Variants in COG7 observed in about 807,000 individuals in gnomAD.
COG7 encodes the protein component of oligomeric golgi complex 7.
In COG7, 49 loss-of-function variants were observed where a neutral mutation model predicts 91.5. That is an observed-to-expected ratio of 0.54 (90% CI 0.43 to 0.68). The LOEUF (loss-of-function observed/expected upper bound fraction) is 0.68. Ranked by LOEUF, COG7 falls within the 30% of genes least tolerant of loss-of-function variation. The probability of loss-of-function intolerance (pLI) is 0.00; values close to 1 mark genes in which losing one functional copy is unlikely to be tolerated. For missense variants in COG7, 895 were observed against 961.3 expected, an observed-to-expected ratio of 0.93 and a Z score of 0.91; for synonymous variants, 365 against 388.7, an observed-to-expected ratio of 0.94 and a Z score of 0.72.
At chr16:23,443,063 T>G (rs1233750395) in intron 3 of COG7, among the ~76,000 whole-genome samples, 1 of 151,518 alleles carries the variant, frequency 6.6e-6, no homozygotes, top group East Asian at 1.9e-4. Context: ...TGTACTCAAA[T>G]AAATGCAAAT....
intron 6 of COG7, among the ~76,000 whole-genome samples, chr16:23,427,904 C>T (rs575827087): frequency 1.3e-5 from 2 of 152,234 alleles, no homozygotes; most frequent in East Asian, 1.9e-4. Flanking sequence ...AGGCCTAGCA[C>T]GGTGGCTCAC....
chr16:23,415,071 C>T (rs1322726113), intron 9 of COG7: 1 of 152,254 alleles, frequency 6.6e-6, no homozygotes, highest in Admixed American at 6.5e-5. Context: ...GCTCCCTTTA[C>T]AGAGAGCTCG....
intron 14 of COG7, among the ~76,000 whole-genome samples, chr16:23,394,605 G>C (rs1963254934): frequency 6.6e-6 from 1 of 151,686 alleles, no homozygotes; most frequent in Non-Finnish European, 1.5e-5. Flanking sequence ...ATCAAAGCAA[G>C]AGCTTCTCAA....
At chr16:23,409,088 T>TGTGTGTGC (rs567307217) in intron 11 of COG7, among the ~76,000 whole-genome samples, 43 of 147,910 alleles carry the variant, frequency 2.9e-4, no homozygotes, top group African/African-American at 1.1e-3. Context: ...TGTGTGTGTG[T>TGTGTGTGC]GCGTGCATGT....
chr16:23,439,518 T>A (rs1166558574), intron 4 of COG7, among the ~76,000 whole-genome samples: 2 of 152,168 alleles, frequency 1.3e-5, no homozygotes, highest in African/African-American at 2.4e-5. Flanking sequence ...TGAGATGGAA[T>A]ATTATTCAGC....
intron 4 of COG7, among the ~76,000 whole-genome samples, chr16:23,436,019 T>C (rs1020405911): frequency 2.6e-5 from 4 of 152,070 alleles, no homozygotes; most frequent in Non-Finnish European, 5.9e-5. Flanking sequence ...GGAGGACTGT[T>C]TGAGCCCAGG....
chr16:23,391,620 G>A (rs773355207), intron 16 of COG7, among the ~76,000 whole-genome samples: 27 of 152,240 alleles, frequency 1.8e-4, no homozygotes, highest in Non-Finnish European at 3.1e-4. Flanking sequence ...AGCTCTGGCT[G>A]TGTCCCCAGG....
At position 23,417,075 on chromosome 16, in the gene COG7, A is replaced by C; in HGVS notation, c.1184T>G (p.Val395Gly). ...AGACGCCAGACCAAACAGCTTGTTCACGGAGTGGCTCAGCTCCTGCACACA... is the reference window on the plus strand; with the variant it reads ...AGACGCCAGACCAAACAGCTTGTTCCCGGAGTGGCTCAGCTCCTGCACACA... Reference protein sequence around the residue: ...IDCVQELSHSVNKLFGLASAA... With the variant: ...IDCVQELSHSGNKLFGLASAA... The change falls in exon 9 of 17, where the codon GTG becomes GGG. Residue 395 changes from valine (V) to glycine (G), a missense_variant. Coordinates refer to ENST00000307149, the MANE Select transcript of COG7 (RefSeq NM_153603.4). 6.2e-7 allele frequency: 1 copy of C among 1,614,232 alleles called. No individual in the cohort carries two copies. Among genetic ancestry groups the C allele is most frequent in the East Asian group, 2.2e-5 (1 of 44,886 alleles).
chr16:23,406,893 G>A (rs751958917), intron 11 of COG7, among the ~76,000 whole-genome samples: 12 of 152,194 alleles, frequency 7.9e-5, no homozygotes, highest in Non-Finnish European at 1.3e-4. Flanking sequence ...GGTTTCATAT[G>A]ATAATCCACC....
chr16:23,391,474 G>A (rs973591745), intron 16 of COG7, among the ~76,000 whole-genome samples: 5 of 152,204 alleles, frequency 3.3e-5, no homozygotes, highest in African/African-American at 4.8e-5. Flanking sequence ...ACTCAGGAAA[G>A]CTGGATCCCA....
chr16:23,388,933 C>T lies in COG7; in HGVS notation c.2300G>A (p.Ser767Asn). Residue 767 changes from serine to asparagine, a missense_variant, in exon 17 of 17, where the codon AGT (serine) becomes AAT (asparagine). By Grantham distance (46) the Ser-to-Asn change is conservative. Transcript: ENST00000307149. ...RLATTVATMR[S>N]VNY ...TGTGTGGTGGGGTCAGTAATTCACA[C>T]TCCGCATGGTGGCCACGGTGGTGGC... 1.2e-6 allele frequency: 2 copies of T among 1,614,174 alleles called. No homozygotes were observed. The highest frequency in any genetic ancestry group is 1.7e-6 in the Non-Finnish European group (2 of 1,180,020).
chr16:23,446,000 G>A (rs1243729170), intron 1 of COG7, 39 bp from the exon 2 acceptor site: 23 of 1,592,466 alleles, frequency 1.4e-5, no homozygotes, highest in Non-Finnish European at 2.0e-5. Flanking sequence ...CAACAACAGC[G>A]ATAGCCACAA....
chr16:23,430,775 AG>A (rs1452607204), intron 6 of COG7, among the ~76,000 whole-genome samples: 1 of 151,994 alleles, frequency 6.6e-6, no homozygotes, highest in African/African-American at 2.4e-5. Context: ...TCCTGACCTC[AG>A]GTGATGTTCC....
At chr16:23,431,607 G>A (rs946937254) in intron 6 of COG7, among the ~76,000 whole-genome samples, 4 of 150,872 alleles carry the variant, frequency 2.7e-5, no homozygotes, top group Non-Finnish European at 4.4e-5. Flanking sequence ...TCAGGAGTTC[G>A]AGACCAGCCC....
At chr16:23,423,342 G>C (rs185446853) in intron 7 of COG7, among the ~76,000 whole-genome samples, 2 of 152,324 alleles carry the variant, frequency 1.3e-5, no homozygotes, top group Non-Finnish European at 2.9e-5. Flanking sequence ...ACTCCAGCCT[G>C]GGCGAGAGTG....
At chr16:23,441,896 A>G (rs908188733) in intron 4 of COG7, 7 of 154,226 alleles carry the variant, frequency 4.5e-5, no homozygotes, top group East Asian at 1.9e-4. Context: ...TTACAGAAGT[A>G]TATTTGGCTG....
In COG7 at chr16:23,442,492, T is replaced by A. The variant is rs1350114367; in HGVS notation, c.589A>T (p.Thr197Ser). ...TAGCACTCACCTACAGCCTGAGAGG[T>A]GAATGCCGCTACAATCTGTGGACTG... ...LASPQIVAAF[T>S]SQAVDQSKVF... Residue 197 changes from threonine to serine, a missense_variant, in exon 4 of 17, where the codon ACC becomes TCC. Thr to Ser is a moderately conservative substitution (Grantham distance 58, BLOSUM62 1). Transcript: ENST00000307149. 2 of 1,613,884 alleles carry A rather than the reference T, an allele frequency of 1.2e-6. No homozygotes were observed. Among genetic ancestry groups the A allele is most frequent in the Admixed American group, 3.3e-5 (2 of 59,984 alleles).
chr16:23,410,283 C>T lies in COG7; in HGVS notation c.1475+12G>A. On this transcript the variant is annotated intron_variant, in intron 11 of 16. Transcript: ENST00000307149. ...CCCCAGGGTGTAGAGGACAATGACTCCTCTCTCCTACCTGTTGGCTAGCTG... is the reference window on the plus strand; with the variant it reads ...CCCCAGGGTGTAGAGGACAATGACTTCTCTCTCCTACCTGTTGGCTAGCTG... The T allele has an allele frequency of 6.2e-7, 1 of 1,612,840 alleles. No individual in the cohort carries two copies. Among genetic ancestry groups the T allele is most frequent in the Non-Finnish European group, 8.5e-7 (1 of 1,179,026 alleles).
At chr16:23,420,481 C>T (rs943889352) in intron 7 of COG7, among the ~76,000 whole-genome samples, 3 of 152,176 alleles carry the variant, frequency 2.0e-5, no homozygotes, top group African/African-American at 7.2e-5. Flanking sequence ...CTCTAGCTCC[C>T]AGCCTTCTCT....
Sources: allele counts gnomAD v4.1 joint callset (sites outside exome capture counted in the v4.1 genomes callset), GRCh38; gene constraint gnomAD v4.1.1; transcripts MANE v1.5; gene names NCBI Gene and HGNC (gene_info 2026-07-23, HGNC 2026-07-21).